SLC12A7: variants seen among roughly 807,000 people sequenced by gnomAD.
SLC12A7 encodes K-Cl cotransporter 4.
A neutral mutation model predicts 120.6 loss-of-function variants in SLC12A7; 100 were observed. That is an observed-to-expected ratio of 0.83 (90% CI 0.71 to 0.98). The LOEUF (loss-of-function observed/expected upper bound fraction) is 0.98, where lower values mean the gene tolerates loss of function less well. SLC12A7 is among the 50% of genes least tolerant of loss of function. SLC12A7 has a pLI of 0.00. For synonymous variants in SLC12A7, 760 were observed against 678.0 expected, an observed-to-expected ratio of 1.12 and a Z score of -1.88; for missense variants, 1,373 against 1,548.1, an observed-to-expected ratio of 0.89 and a Z score of 1.90.
Position 1,078,049 on chromosome 5 carries a change from G to A in SLC12A7, c.1455-42C>T, listed in dbSNP as rs927957498. The A allele has an allele frequency of 2.0e-6, 3 of 1,528,052 alleles. No homozygotes were observed. The African/African-American group carries it at 4.2e-5, about 21-fold the overall frequency. 94.7% of individuals were successfully genotyped at this position (1,528,052 alleles called of 1,614,324 possible). ...AGGCGGGCGGGCGGCTTTCAGAAGT[G>A]AGCCTGAGTCAGACAAAATGTCTTC... On this transcript the variant is annotated intron_variant, in intron 11 of 23. Transcript: ENST00000264930.
In SLC12A7 at chr5:1,089,539, C is replaced by T. The variant is rs185607135; in HGVS notation, c.343-411G>A. The stretch of plus-strand genomic sequence containing the variant: ...ACTTCAGGAATGGAAGCAGAGCCAG[C>T]GGAGGGATGAGACGGCTGCTGCCCA... On this transcript the variant is annotated intron_variant, in intron 3 of 23. Coordinates refer to ENST00000264930, the MANE Select transcript of SLC12A7 (RefSeq NM_006598.3). 3.2e-3 allele frequency among the ~76,000 whole-genome samples: 466 copies of T among 144,370 alleles called. 1 individual carries two copies. The highest frequency in any genetic ancestry group is 5.7e-3 in the Non-Finnish European group (382 of 66,976). The allele number at this position is 144,370 out of a possible 152,430, so 94.7% of individuals were successfully genotyped here.
chr5:1,083,921 C>T lies in SLC12A7; in HGVS notation c.953G>A (p.Arg318His), dbSNP rs141099199. The T allele has an allele frequency of 3.0e-4, 478 of 1,605,936 alleles. No individual in the cohort carries two copies. The highest frequency in any genetic ancestry group is 2.7e-4 in the Admixed American group (16 of 59,908). Residue 318 changes from arginine to histidine, a missense_variant, in exon 8 of 24, where the codon CGC (arginine) becomes CAC (histidine). Coordinates refer to ENST00000264930, the MANE Select transcript of SLC12A7 (RefSeq NM_006598.3). The part of the protein sequence containing the change: ...CLLGNRTLSR[R>H]SFDACVKAYG... ...GGCCTTGACGCAGGCATCGAAGCTG[C>T]GCCGTGACAGCGTGCGGTTCCCCAG... is the stretch of plus-strand genomic sequence containing the variant.
chr5:1,084,511 A>G (rs2150858314), intron 7 of SLC12A7, among the ~76,000 whole-genome samples: 1 of 152,186 alleles, frequency 6.6e-6, no homozygotes, highest in East Asian at 1.9e-4. Context: ...GCCGCCCCCG[A>G]CGTATAAGCC....
intron 9 of SLC12A7, among the ~76,000 whole-genome samples, chr5:1,080,753 CAG>C (rs1738970075): frequency 6.6e-6 from 1 of 152,234 alleles, no homozygotes; most frequent in African/African-American, 2.4e-5. Context: ...GAGGAGGACA[CAG>C]AGGGCCGAGG....
intron 11 of SLC12A7, 170 bp downstream of exon 11, chr5:1,078,531 G>T: frequency 1.5e-6 from 1 of 652,824 alleles, no homozygotes; most frequent in South Asian, 1.8e-5. Flanking sequence ...AGGCTCCAGC[G>T]GAAGAGACGA....
chr5:1,153,679 C>T, the SLC12A7 span, among the ~76,000 whole-genome samples: 3 of 152,194 alleles, frequency 2.0e-5, no homozygotes, highest in Non-Finnish European at 4.4e-5. Context: ...TGAGGACGCC[C>T]GAGAACCCTG....
At chr5:1,129,806 G>A in the SLC12A7 span, among the ~76,000 whole-genome samples, 56 of 152,304 alleles carry the variant, frequency 3.7e-4, no homozygotes, top group African/African-American at 1.1e-3. Flanking sequence ...CCTTGGAGCC[G>A]GGCTCTCGAC....
the SLC12A7 span, among the ~76,000 whole-genome samples, chr5:1,126,250 G>A: frequency 6.6e-6 from 1 of 152,156 alleles, no homozygotes; most frequent in East Asian, 1.9e-4. Flanking sequence ...ACCATGCCCG[G>A]CTAATTTTCT....
chr5:1,119,462 C>T, the SLC12A7 span, among the ~76,000 whole-genome samples: 2 of 152,336 alleles, frequency 1.3e-5, no homozygotes, highest in Middle Eastern at 3.4e-3. Flanking sequence ...CGGGTGACGC[C>T]GAGGTTACAC....
intron 1 of SLC12A7, among the ~76,000 whole-genome samples, chr5:1,097,312 G>T (rs1484337553): frequency 6.6e-6 from 1 of 152,156 alleles, no homozygotes; most frequent in Non-Finnish European, 1.5e-5. Flanking sequence ...ACTCCCAGCA[G>T]AAGCAACCCC....
chr5:1,147,292 C>T, the SLC12A7 span, among the ~76,000 whole-genome samples: 1 of 136,614 alleles, frequency 7.3e-6, no homozygotes, highest in African/African-American at 2.7e-5. Context: ...TGCAGCTGAC[C>T]CACACTAACT....
chr5:1,079,277 C>A, intron 10 of SLC12A7, 121 bp downstream of exon 10: 1 of 759,206 alleles, frequency 1.3e-6, no homozygotes, highest in East Asian at 2.5e-5. Context: ...GTGGTGAGAG[C>A]ACAGCCTAAC....
chr5:1,081,917 A>G (rs1739167974), intron 8 of SLC12A7, among the ~76,000 whole-genome samples, 173 bp from the exon 9 acceptor site: 2 of 152,260 alleles, frequency 1.3e-5, no homozygotes, highest in African/African-American at 4.8e-5. Flanking sequence ...ACCTCTGGGA[A>G]AGCTGCCTGT....
At chr5:1,091,680 G>A (rs1187351970) in intron 3 of SLC12A7, among the ~76,000 whole-genome samples, 3 of 151,954 alleles carry the variant, frequency 2.0e-5, no homozygotes, top group Non-Finnish European at 4.4e-5. Flanking sequence ...CGTGCGGAAA[G>A]GTACTGAGTG....
At chr5:1,075,134 A>G (rs1738182385) in intron 15 of SLC12A7, among the ~76,000 whole-genome samples, 1 of 152,214 alleles carries the variant, frequency 6.6e-6, no homozygotes. Flanking sequence ...GGCACGAGAC[A>G]GAGCTCCAGG....
At chr5:1,073,883 G>C in intron 16 of SLC12A7, 82 bp from the exon 17 acceptor site, 3 of 1,277,560 alleles carry the variant, frequency 2.3e-6, no homozygotes, top group Non-Finnish European at 3.0e-6. Flanking sequence ...GATGGGACGG[G>C]CGGGGCACAC....
intron 6 of SLC12A7, 34 bp from the exon 7 acceptor site, chr5:1,085,507 C>T (rs539067427): frequency 3.5e-5 from 55 of 1,551,514 alleles, no homozygotes; most frequent in Middle Eastern, 3.4e-4. Context: ...AGGCCGTCCC[C>T]GGACACAACT....
rs1472670339 is a variant in SLC12A7, at chr5:1,057,663, G to A, written c.2848-14C>T. On this transcript the variant is annotated splice_polypyrimidine_tract_variant and intron_variant, in intron 21 of 23. Coordinates refer to ENST00000264930, the MANE Select transcript of SLC12A7 (RefSeq NM_006598.3). ...GATCAGCTGGGCCTGGCGGGCCCGG[G>A]ACTTGGTGAGACCAGCCGGTCTCAA... 6.3e-7 allele frequency: 1 copy of A among 1,588,126 alleles called. No homozygotes were observed. The highest frequency in any genetic ancestry group is 2.2e-5 in the East Asian group (1 of 44,754).
chr5:1,139,795 C>T, the SLC12A7 span, among the ~76,000 whole-genome samples: 1 of 152,222 alleles, frequency 6.6e-6, no homozygotes. Context: ...GTTCCCGAGC[C>T]CCACTTCCCA....
Sources: gnomAD v4.1 joint callset for allele counts (sites outside exome capture counted in the v4.1 genomes callset) on GRCh38, gnomAD v4.1.1 for gene constraint, MANE v1.5 for transcripts, NCBI Gene and HGNC (gene_info 2026-07-23, HGNC 2026-07-21) for gene names.